CACNA2D3: variants seen among roughly 807,000 people sequenced by gnomAD.
The protein encoded by CACNA2D3 is calcium voltage-gated channel auxiliary subunit alpha2delta 3.
A neutral mutation model predicts 160.6 loss-of-function variants in CACNA2D3; 60 were observed. That is an observed-to-expected ratio of 0.37 (90% CI 0.30 to 0.46). CACNA2D3 has a LOEUF of 0.46. Among genes scored for constraint, CACNA2D3 ranks in the 20% least tolerant of loss-of-function variants. The pLI, the probability that CACNA2D3 is intolerant of heterozygous loss-of-function variation, is 1.00. For missense variants in CACNA2D3, 1,205 were observed against 1,365.0 expected (o/e 0.88, Z 1.85); for synonymous variants, 558 against 492.9 (o/e 1.13, Z -1.75).
chr3:54,334,671 C>T (rs1158234989), intron 3 of CACNA2D3, among the ~76,000 whole-genome samples: 1 of 152,196 alleles, frequency 6.6e-6, no homozygotes, highest in African/African-American at 2.4e-5. Context: ...AGGTCACACG[C>T]TCCCTCCTTG....
chr3:54,609,809 A>C (rs996218111), intron 9 of CACNA2D3, among the ~76,000 whole-genome samples: 1 of 152,216 alleles, frequency 6.6e-6, no homozygotes, highest in Non-Finnish European at 1.5e-5. Context: ...CCATTTAATC[A>C]AGTAAGTTTT....
In CACNA2D3 at chr3:55,028,044, C is replaced by G. The variant is rs144873157; in HGVS notation, c.2987+9727C>G. Among the ~76,000 whole-genome samples the G allele has an allele frequency of 7.4e-4, 113 of 152,314 alleles. 1 individual carries two copies. Among genetic ancestry groups the G allele is most frequent in the African/African-American group, 2.6e-3 (108 of 41,588 alleles). On this transcript the variant is annotated intron_variant, in intron 35 of 37. Transcript: ENST00000474759. ...ATGTCAGGTGGTTCTACCCATATAG[C>G]AGAAGTCTTTTCAGTCTTCAGAAGT...
chr3:54,524,180 T>C (rs947225278), intron 5 of CACNA2D3, among the ~76,000 whole-genome samples: 1 of 152,144 alleles, frequency 6.6e-6, no homozygotes, highest in Non-Finnish European at 1.5e-5. Context: ...CTGCACTACA[T>C]AAGTTTTGGT....
intron 18 of CACNA2D3, among the ~76,000 whole-genome samples, chr3:54,878,050 T>C (rs1362383387): frequency 6.6e-6 from 1 of 152,220 alleles, no homozygotes; most frequent in African/African-American, 2.4e-5. Flanking sequence ...CTAAAAATTA[T>C]GCCTTTACTC....
chr3:54,298,289 A>G (rs1703384973), intron 2 of CACNA2D3, among the ~76,000 whole-genome samples: 1 of 152,222 alleles, frequency 6.6e-6, no homozygotes. Context: ...ACCTGCTTTT[A>G]CTTTTCTCAA....
chr3:54,266,831 T>C (rs1386676615), intron 2 of CACNA2D3, among the ~76,000 whole-genome samples: 1 of 152,194 alleles, frequency 6.6e-6, no homozygotes, highest in Non-Finnish European at 1.5e-5. Context: ...TTGGCACTCA[T>C]GTGGCAGCAG....
intron 35 of CACNA2D3, among the ~76,000 whole-genome samples, chr3:55,027,409 G>GTA (rs375439070): frequency 2.0e-4 from 31 of 152,322 alleles, no homozygotes; most frequent in African/African-American, 7.5e-4. Flanking sequence ...TCAGAATGCA[G>GTA]TATATTAAGG....
intron 2 of CACNA2D3, among the ~76,000 whole-genome samples, chr3:54,284,976 G>T (rs1186433568): frequency 6.6e-6 from 1 of 152,224 alleles, no homozygotes; most frequent in Non-Finnish European, 1.5e-5. Flanking sequence ...AATAGGAACA[G>T]CTCTGGTCTA....
intron 4 of CACNA2D3, among the ~76,000 whole-genome samples, chr3:54,485,904 A>G (rs1701008599): frequency 6.6e-6 from 1 of 152,144 alleles, no homozygotes; most frequent in Non-Finnish European, 1.5e-5. Flanking sequence ...TGACCCCCCA[A>G]CAGCCCCTTC....
intron 21 of CACNA2D3, among the ~76,000 whole-genome samples, chr3:54,883,409 T>C (rs1699848131): frequency 6.6e-6 from 1 of 152,142 alleles, no homozygotes; most frequent in South Asian, 2.1e-4. Context: ...CAGTCATCAG[T>C]GGATATGATT....
chr3:54,617,703 A>G (rs1160289497), intron 9 of CACNA2D3, among the ~76,000 whole-genome samples: 1 of 152,242 alleles, frequency 6.6e-6, no homozygotes, highest in Non-Finnish European at 1.5e-5. Context: ...TTTATCTGGC[A>G]ACCATAGCTC....
chr3:55,011,145 T>C (rs1372042435), intron 34 of CACNA2D3, among the ~76,000 whole-genome samples: 1 of 152,236 alleles, frequency 6.6e-6, no homozygotes, highest in African/African-American at 2.4e-5. Flanking sequence ...CTGCCCCTGC[T>C]GATGCCCGCA....
At chr3:54,459,647 A>T (rs1464392836) in intron 4 of CACNA2D3, among the ~76,000 whole-genome samples, 6 of 151,542 alleles carry the variant, frequency 4.0e-5, no homozygotes, top group Non-Finnish European at 8.8e-5. Flanking sequence ...AATTTGTTTG[A>T]GTTCATTGTA....
At chr3:54,696,258 A>G (rs1165027827) in intron 11 of CACNA2D3, among the ~76,000 whole-genome samples, 1 of 152,220 alleles carries the variant, frequency 6.6e-6, no homozygotes, top group Non-Finnish European at 1.5e-5. Flanking sequence ...GGCTCCCTGC[A>G]GCCTTCACGT....
At chr3:54,862,410 C>T (rs910414795) in intron 17 of CACNA2D3, among the ~76,000 whole-genome samples, 1 of 152,080 alleles carries the variant, frequency 6.6e-6, no homozygotes, top group Non-Finnish European at 1.5e-5. Flanking sequence ...CACACGCACA[C>T]ACACGCACAC....
chr3:54,296,137 C>G (rs987857169), intron 2 of CACNA2D3, among the ~76,000 whole-genome samples: 1 of 152,150 alleles, frequency 6.6e-6, no homozygotes, highest in Admixed American at 6.5e-5. Context: ...CTGGACATGG[C>G]AAGGCCGGGA....
intron 2 of CACNA2D3, among the ~76,000 whole-genome samples, chr3:54,225,930 A>G (rs948005637): frequency 2.6e-5 from 4 of 152,146 alleles, no homozygotes; most frequent in Non-Finnish European, 5.9e-5. Context: ...CACTGAGACT[A>G]GGAGCAGTGA....
intron 27 of CACNA2D3, among the ~76,000 whole-genome samples, chr3:54,916,762 A>T (rs1700672684): frequency 6.6e-6 from 1 of 152,334 alleles, no homozygotes; most frequent in African/African-American, 2.4e-5. Flanking sequence ...TTCCATTCAC[A>T]TTTCAGTTAG....
intron 2 of CACNA2D3, among the ~76,000 whole-genome samples, chr3:54,239,055 ATAT>A (rs1275568275): frequency 1.4e-4 from 22 of 152,330 alleles, no homozygotes; most frequent in East Asian, 9.6e-4. Flanking sequence ...GATTGTCAAA[ATAT>A]TATTATTTCA....
Sources: gnomAD v4.1 joint callset for allele counts (sites outside exome capture counted in the v4.1 genomes callset) on GRCh38, gnomAD v4.1.1 for gene constraint, MANE v1.5 for transcripts, NCBI Gene and HGNC (gene_info 2026-07-23, HGNC 2026-07-21) for gene names.